TBXAS1: variants seen among roughly 807,000 people sequenced by gnomAD.
TBXAS1 encodes the protein thromboxane A synthase 1, also known as thromboxane-A synthase.
Under a neutral mutation model 60.7 loss-of-function variants are expected in TBXAS1, and 48 were observed. The observed-to-expected ratio is 0.79, with a 90% CI of 0.63 to 1.01. The LOEUF (loss-of-function observed/expected upper bound fraction) is 1.01. Ranked by LOEUF, TBXAS1 falls within the 50% of genes least tolerant of loss-of-function variation. The pLI, the probability that TBXAS1 is intolerant of heterozygous loss-of-function variation, is 0.00. For missense variants in TBXAS1, 685 were observed against 686.3 expected (o/e 1.00, Z 0.02); for synonymous variants, 287 against 269.7 (o/e 1.06, Z -0.63).
chr7:139,800,807 A>G (rs555117250), intron 4 of TBXAS1, among the ~76,000 whole-genome samples: 1 of 152,314 alleles, frequency 6.6e-6, no homozygotes, highest in East Asian at 1.9e-4. Flanking sequence ...GTCCTCTGGA[A>G]TCCTGACCTA....
intron 4 of TBXAS1, among the ~76,000 whole-genome samples, chr7:139,791,067 G>A (rs111819675): frequency 0.014 from 2,102 of 152,266 alleles, 42 homozygotes; most frequent in African/African-American, 0.048. Flanking sequence ...GCCTCCCAAA[G>A]TGCTGGGATT....
intron 4 of TBXAS1, among the ~76,000 whole-genome samples, chr7:139,930,038 G>A (rs1807188585): frequency 6.6e-6 from 1 of 152,094 alleles, no homozygotes; most frequent in Admixed American, 6.6e-5. Context: ...AGGCCCCCAT[G>A]CCCTCTCTGG....
chr7:139,987,596 CT>C (rs1401986756), intron 9 of TBXAS1, among the ~76,000 whole-genome samples: 1 of 152,194 alleles, frequency 6.6e-6, no homozygotes, highest in Non-Finnish European at 1.5e-5. Context: ...CACCCTGTGT[CT>C]TCCAACTTCA....
At chr7:139,956,854 CTGCTGTGTCACATTGG>C (rs1809904082) in intron 7 of TBXAS1, among the ~76,000 whole-genome samples, 1 of 152,274 alleles carries the variant, frequency 6.6e-6, no homozygotes, top group South Asian at 2.1e-4. Context: ...GGCCCTCCTG[CTGCTGTGTCACATTGG>C]TTCGGACTCT....
intron 4 of TBXAS1, among the ~76,000 whole-genome samples, chr7:139,930,521 C>A (rs912154629): frequency 6.6e-6 from 1 of 152,156 alleles, no homozygotes; most frequent in African/African-American, 2.4e-5. Flanking sequence ...ATATTTGAAC[C>A]CAGGCATCTG....
intron 3 of TBXAS1, among the ~76,000 whole-genome samples, chr7:139,898,781 C>T (rs1463798254): frequency 2.6e-5 from 4 of 152,182 alleles, no homozygotes; most frequent in Non-Finnish European, 5.9e-5. Flanking sequence ...TTTCATTAAA[C>T]TTTACTGTTC....
chr7:139,875,501 T>C, intron 2 of TBXAS1, 84 bp from the exon 3 acceptor site: 1 of 1,087,838 alleles, frequency 9.2e-7, no homozygotes, highest in South Asian at 1.3e-5. Context: ...GTATTCTTGC[T>C]GTTCCAAATT....
chr7:139,822,770 A>T (rs536765948), intron 4 of TBXAS1, among the ~76,000 whole-genome samples: 1 of 152,238 alleles, frequency 6.6e-6, no homozygotes, highest in African/African-American at 2.4e-5. Context: ...CTTAAAAACC[A>T]GCCCTCTCTT....
intron 4 of TBXAS1, among the ~76,000 whole-genome samples, chr7:139,804,579 C>T (rs1164856386): frequency 6.6e-6 from 1 of 152,106 alleles, no homozygotes; most frequent in Non-Finnish European, 1.5e-5. Context: ...GGCTGTGTCC[C>T]CACCCAAATC....
chr7:139,830,766 A>G (rs79686484), intron 1 of TBXAS1, among the ~76,000 whole-genome samples: 73 of 152,306 alleles, frequency 4.8e-4, no homozygotes, highest in African/African-American at 1.7e-3. Flanking sequence ...GTAACCTAAA[A>G]GAAAATAAGT....
intron 3 of TBXAS1, among the ~76,000 whole-genome samples, chr7:139,890,046 T>C (rs902703249): frequency 2.6e-5 from 4 of 152,074 alleles, no homozygotes; most frequent in Non-Finnish European, 4.4e-5. Context: ...ATGGGGTGTT[T>C]CCCGCAGTGT....
At position 139,936,120 on chromosome 7, in the gene TBXAS1, T is replaced by A. The variant is rs146333120; in HGVS notation, c.334-71T>A. 60 of 1,422,676 alleles carry A rather than the reference T, an allele frequency of 4.2e-5. 1 individual carries two copies. In the Middle Eastern group the frequency reaches 1.3e-3, roughly 31 times the overall value. The allele number at this position is 1,422,676 out of a possible 1,614,324, so 88.1% of individuals were successfully genotyped here. A position where few individuals can be genotyped will look rare whatever the true frequency, so the allele number is the denominator to read the frequency against. On this transcript the variant is annotated intron_variant, in intron 4 of 12. Coordinates refer to ENST00000448866, the MANE Select transcript of TBXAS1 (RefSeq NM_001061.7). The stretch of plus-strand genomic sequence containing the variant: ...TGGACTTTAACCAGGGTGTTTGTCA[T>A]GGACCTGTATTGCCACCAAGGTGGC...
At chr7:139,891,641 T>C (rs755511099) in intron 3 of TBXAS1, among the ~76,000 whole-genome samples, 8 of 152,232 alleles carry the variant, frequency 5.3e-5, no homozygotes, top group Non-Finnish European at 1.2e-4. Flanking sequence ...CCTGGTAGAA[T>C]GCAAACTTCA....
In TBXAS1 at chr7:139,936,273, T is replaced by C; in HGVS notation, c.416T>C (p.Leu139Pro). ...AGATGGGAAGAGGTCAGAGGTGCCC[T>C]GATGTCTGCTTTCAGTCCTGAAAAG... ...DKRWEEVRGA[L>P]MSAFSPEKLN... is the part of the protein sequence containing the mutation. The change falls in exon 5 of 13, where the codon CTG becomes CCG. Residue 139 changes from leucine (L) to proline (P), a missense_variant. Coordinates refer to ENST00000448866, the MANE Select transcript of TBXAS1 (RefSeq NM_001061.7). 1 of 1,614,230 alleles carries C rather than the reference T, an allele frequency of 6.2e-7. No homozygotes were observed.
intron 1 of TBXAS1, among the ~76,000 whole-genome samples, chr7:139,839,057 A>G (rs1799255048): frequency 6.6e-6 from 1 of 152,200 alleles, no homozygotes; most frequent in Non-Finnish European, 1.5e-5. Context: ...TAATCTTTCA[A>G]GCAACACCTA....
intron 4 of TBXAS1, among the ~76,000 whole-genome samples, chr7:139,799,253 ACAGT>A (rs1797653731): frequency 6.9e-6 from 1 of 144,128 alleles, no homozygotes; most frequent in African/African-American, 2.6e-5. Context: ...TTTTTTTGAG[ACAGT>A]CTCACTTTGT....
At position 140,010,982 on chromosome 7, in the gene TBXAS1, A is replaced by C. The variant is rs143826843; in HGVS notation, c.1226+3800A>C. Among the ~76,000 whole-genome samples the C allele has an allele frequency of 3.4e-4, 52 of 152,194 alleles. No homozygotes were observed. In the East Asian group the frequency reaches 4.6e-3, roughly 14 times the overall value. On this transcript the variant is annotated intron_variant, in intron 10 of 12. Transcript: ENST00000448866. ...ATACAAACAAAACAAAACCAAAAAAAAAAAAACAGTCCCGGCCGGGTGTAG... is the reference window on the plus strand; with the variant it reads ...ATACAAACAAAACAAAACCAAAAAACAAAAAACAGTCCCGGCCGGGTGTAG...
intron 9 of TBXAS1, among the ~76,000 whole-genome samples, chr7:139,978,974 T>A (rs1320510871): frequency 6.6e-6 from 1 of 152,044 alleles, no homozygotes; most frequent in Admixed American, 6.6e-5. Context: ...TAAAAAAGAC[T>A]AAAGTGAAAT....
chr7:139,886,727 C>T (rs1037851040), intron 3 of TBXAS1, among the ~76,000 whole-genome samples: 8 of 152,164 alleles, frequency 5.3e-5, no homozygotes, highest in Non-Finnish European at 8.8e-5. Context: ...AATGGCTCTT[C>T]CATTTGCCTT....
Sources: allele counts gnomAD v4.1 joint callset (sites outside exome capture counted in the v4.1 genomes callset), GRCh38; gene constraint gnomAD v4.1.1; transcripts MANE v1.5; gene names NCBI Gene and HGNC (gene_info 2026-07-23, HGNC 2026-07-21).